AP2B1: variants seen among roughly 807,000 people sequenced by gnomAD.
The protein encoded by AP2B1 is AP-2 complex subunit beta.
AP2B1 carries 23 observed loss-of-function variants against 102.0 expected under a neutral mutation model. The observed-to-expected ratio is 0.23, with a 90% CI of 0.16 to 0.32. AP2B1 has a LOEUF of 0.32. Ranked by LOEUF, AP2B1 falls within the 10% of genes least tolerant of loss-of-function variation. The probability of loss-of-function intolerance (pLI) is 1.00; values close to 1 mark genes in which losing one functional copy is unlikely to be tolerated. For synonymous variants in AP2B1, 381 were observed against 421.2 expected, an observed-to-expected ratio of 0.90 and a Z score of 1.17; for missense variants, 541 against 1,157.4, an observed-to-expected ratio of 0.47 and a Z score of 7.73.
intron 18 of AP2B1, among the ~76,000 whole-genome samples, chr17:35,699,656 A>G (rs921545165): frequency 6.6e-6 from 1 of 152,218 alleles, no homozygotes; most frequent in African/African-American, 2.4e-5. Context: ...TCTTTCTGCT[A>G]TGTTTTTAAC....
At position 35,650,765 on chromosome 17, in the gene AP2B1, A is replaced by G; in HGVS notation, c.1772A>G (p.Lys591Arg). 6.2e-7 allele frequency: 1 copy of G among 1,614,162 alleles called. No individual in the cohort carries two copies. Among genetic ancestry groups the G allele is most frequent in the Non-Finnish European group, 8.5e-7 (1 of 1,179,992 alleles). The change falls in exon 13 of 22, where the codon AAA becomes AGA. Residue 591 changes from lysine (K) to arginine (R), a missense_variant. By Grantham distance (26) the Lys-to-Arg change is conservative. Transcript: ENST00000610402. ...GAAGGAAGTCATGGAATTCATCGTA[A>G]ACACTTGCCAATTCATCATGGGAGG... is the stretch of plus-strand genomic sequence containing the variant. ...FVEGSHGIHR[K>R]HLPIHHGSTD...
chr17:35,657,315 A>G (rs1239324980), intron 13 of AP2B1, among the ~76,000 whole-genome samples: 1 of 152,326 alleles, frequency 6.6e-6, no homozygotes, highest in East Asian at 1.9e-4. Context: ...TTCTCCTTAC[A>G]GTGTTCCCTC....
chr17:35,648,740 A>G (rs28437958), intron 12 of AP2B1, among the ~76,000 whole-genome samples: 3,292 of 66,056 alleles, frequency 0.05, 125 homozygotes, highest in African/African-American at 0.2. Context: ...TTTATATGAA[A>G]TAAGTGTGTG....
At chr17:35,639,863 A>G (rs1389728043) in intron 11 of AP2B1, 103 bp downstream of exon 11, 3 of 1,017,140 alleles carry the variant, frequency 2.9e-6, no homozygotes, top group African/African-American at 3.3e-5. Flanking sequence ...CTGTATTTAC[A>G]TATAGTATGT....
At chr17:35,657,536 A>ATGT (rs1181400045) in intron 13 of AP2B1, 63 bp from the exon 14 acceptor site, 11 of 1,379,566 alleles carry the variant, frequency 8.0e-6, no homozygotes, top group Admixed American at 2.0e-5. Context: ...TGTTGTTGCG[A>ATGT]TGTTATGTCC....
At chr17:35,648,775 A>G (rs1038649849) in intron 12 of AP2B1, among the ~76,000 whole-genome samples, 2 of 81,298 alleles carry the variant, frequency 2.5e-5, no homozygotes, top group African/African-American at 4.6e-5. Context: ...TGTGTGTGTG[A>G]CCCATCTGGA....
At chr17:35,706,924 T>C (rs1482865886) in intron 18 of AP2B1, among the ~76,000 whole-genome samples, 3 of 152,114 alleles carry the variant, frequency 2.0e-5, no homozygotes, top group African/African-American at 7.2e-5. Flanking sequence ...AGTGCTGGGC[T>C]TACAGGCATG....
rs575337912 is a variant in AP2B1 at position 35,642,932 on chromosome 17, T to G, written c.1536+957T>G. ...ATAAACATCAGTGGTTAATATTATC[T>G]GTATTGAATTGAGCATTCTAATTTC... On this transcript the variant is annotated intron_variant, in intron 12 of 21. Coordinates refer to ENST00000610402, the MANE Select transcript of AP2B1 (RefSeq NM_001030006.2). Among the ~76,000 whole-genome samples the G allele has an allele frequency of 9.9e-5, 15 of 152,262 alleles. No homozygotes were observed. The South Asian group carries it at 3.1e-3, about 32-fold the overall frequency.
At position 35,613,661 on chromosome 17, in the gene AP2B1, A is replaced by T. The variant is rs144905853; in HGVS notation, c.525+5274A>T. Among the ~76,000 whole-genome samples the T allele has an allele frequency of 3.6e-4, 55 of 152,322 alleles. 1 individual carries two copies. The highest frequency in any genetic ancestry group is 1.1e-3 in the African/African-American group (45 of 41,576). ...TTTGGATTATTAATTGAGCTTTTGC[A>T]TGAAAAGTGCCCTGTAAAGTGCTTG... On this transcript the variant is annotated intron_variant, in intron 5 of 21. Coordinates refer to ENST00000610402, the MANE Select transcript of AP2B1 (RefSeq NM_001030006.2).
intron 3 of AP2B1, among the ~76,000 whole-genome samples, chr17:35,603,537 TTGTC>T (rs1420203934): frequency 6.6e-6 from 1 of 152,172 alleles, no homozygotes; most frequent in Non-Finnish European, 1.5e-5. Context: ...AAATTTTCAT[TTGTC>T]TGAATATGTA....
chr17:35,660,162 G>A (rs1355722880), intron 14 of AP2B1: 3 of 803,342 alleles, frequency 3.7e-6, no homozygotes, highest in Non-Finnish European at 4.5e-6. Flanking sequence ...TGTTTAGTTT[G>A]TGGAAATGGG....
chr17:35,694,435 A>ATTTTTTTTTTT (rs2076101194), intron 18 of AP2B1, among the ~76,000 whole-genome samples: 2 of 80,004 alleles, frequency 2.5e-5, no homozygotes, highest in Admixed American at 1.3e-4. Flanking sequence ...TAATTTTTTA[A>ATTTTTTTTTTT]TTTTTTGTAG....
Position 35,650,664 on chromosome 17 carries a change from A to T in AP2B1, c.1671A>T (p.Pro557=), listed in dbSNP as rs200535619. 6.2e-7 allele frequency: 1 copy of T among 1,614,178 alleles called. No homozygotes were observed. The highest frequency in any genetic ancestry group is 2.2e-5 in the East Asian group (1 of 44,880). ...CTGAGGAGACGGACCTTATTGAGCC[A>T]ACTCTGCTGGATGAGCTAATCTGCC... ...LISEETDLIE[P]TLLDELICHI... Residue 557 remains proline, a synonymous_variant, in exon 13 of 22, where the codon CCA becomes CCT. Transcript: ENST00000610402.
Position 35,641,011 on chromosome 17 carries a change from C to T in AP2B1, c.1438-866C>T, listed in dbSNP as rs930261104. ...AAGCCCTTTTTTCTTGGCATTTGTA[C>T]TCAAAGCAAATAGAAAATAATGTAT... On this transcript the variant is annotated intron_variant, in intron 11 of 21. Transcript: ENST00000610402. Among the ~76,000 whole-genome samples the T allele has an allele frequency of 5.9e-5, 9 of 152,176 alleles. No individual in the cohort carries two copies. In the East Asian group the frequency reaches 7.7e-4, roughly 13 times the overall value.
chr17:35,716,675 G>C (rs781866033), intron 20 of AP2B1, among the ~76,000 whole-genome samples: 31 of 152,114 alleles, frequency 2.0e-4, no homozygotes, highest in Non-Finnish European at 4.0e-4. Context: ...TGTAGCTCTG[G>C]GCCCTTCCTG....
At chr17:35,607,594 T>C (rs1021263765) in intron 4 of AP2B1, among the ~76,000 whole-genome samples, 1 of 152,236 alleles carries the variant, frequency 6.6e-6, no homozygotes, top group Non-Finnish European at 1.5e-5. Flanking sequence ...AGAGAATGTA[T>C]GTTAGCCAAG....
At chr17:35,694,487 C>G (rs1470705325) in intron 18 of AP2B1, among the ~76,000 whole-genome samples, 1 of 148,160 alleles carries the variant, frequency 6.7e-6, no homozygotes, top group East Asian at 2.0e-4. Flanking sequence ...TCTTGAAGTC[C>G]TGGGCTCAAG....
At chr17:35,652,169 TTTC>T (rs1294821788) in intron 13 of AP2B1, among the ~76,000 whole-genome samples, 1 of 152,232 alleles carries the variant, frequency 6.6e-6, no homozygotes, top group Non-Finnish European at 1.5e-5. Context: ...ATCTTCACAA[TTTC>T]TTTTGTGGTT....
At chr17:35,622,319 C>T (rs545101538) in intron 5 of AP2B1, among the ~76,000 whole-genome samples, 64 of 152,234 alleles carry the variant, frequency 4.2e-4, no homozygotes, top group African/African-American at 1.5e-3. Context: ...GAGATGATTG[C>T]ATTTGTGGCA....
Sources: gnomAD v4.1 joint callset for allele counts (sites outside exome capture counted in the v4.1 genomes callset) on GRCh38, gnomAD v4.1.1 for gene constraint, MANE v1.5 for transcripts, NCBI Gene and HGNC (gene_info 2026-07-23, HGNC 2026-07-21) for gene names.